CALHM5: variants seen among roughly 807,000 people sequenced by gnomAD.
The protein encoded by CALHM5 is calcium homeostasis modulator protein 5.
CALHM5 carries 17 observed loss-of-function variants against 20.9 expected under a neutral mutation model. The ratio of observed to expected loss-of-function variants is 0.82; its 90% CI spans 0.56 to 1.22. The LOEUF is 1.22. Among genes scored for constraint, CALHM5 ranks in the 50% most tolerant of loss-of-function variants. The pLI, the probability that CALHM5 is intolerant of heterozygous loss-of-function variation, is 0.00. For missense variants in CALHM5, 360 were observed against 364.6 expected (o/e 0.99, Z 0.10); for synonymous variants, 148 against 140.0 (o/e 1.06, Z -0.40).
chr6:116,518,877 G>A lies in CALHM5; in HGVS notation c.*2888G>A, dbSNP rs2637676. On this transcript the variant is annotated 3_prime_UTR_variant, in exon 2 of 2. Transcript: ENST00000368599. ...CCTGGGTACTTGTTGCTGCAGCTTA[G>A]TAAGTAGCAGAAGAGCTCATCCTCC... The A allele has an allele frequency of 0.41, 62,913 of 152,092 alleles. 14,606 individuals carry two copies. Among genetic ancestry groups the A allele is most frequent in the Middle Eastern group, 0.6 (175 of 294 alleles). The allele number at this position is 152,092 out of a possible 1,614,324, so 9.4% of individuals were successfully genotyped here.
rs1772367660 is a variant in CALHM5, at chr6:116,522,714, G to A, written c.*6725G>A. On this transcript the variant is annotated 3_prime_UTR_variant, in exon 2 of 2. Transcript: ENST00000368599. ...ATATCTACGAAAAAATAGCAAGTGA[G>A]GGTTTCAGACTAGGCTGGCCTTCAG... 2 of 152,154 alleles carry A rather than the reference G, an allele frequency of 1.3e-5. No individual in the cohort carries two copies. The allele number at this position is 152,154 out of a possible 1,614,324, so 9.4% of individuals were successfully genotyped here.
intron 1 of CALHM5, among the ~76,000 whole-genome samples, chr6:116,514,505 T>G (rs895827152): frequency 6.6e-6 from 1 of 152,236 alleles, no homozygotes; most frequent in African/African-American, 2.4e-5. Context: ...ACTTAATGAA[T>G]ACATGTGTCC....
rs1473938872 is a variant in CALHM5 at position 116,517,158 on chromosome 6, T to C, written c.*1169T>C. The C allele has an allele frequency of 6.6e-6, 1 of 152,102 alleles. No individual in the cohort carries two copies. The allele number at this position is 152,102 out of a possible 1,614,324, so 9.4% of individuals were successfully genotyped here. On this transcript the variant is annotated 3_prime_UTR_variant, in exon 2 of 2. Coordinates refer to ENST00000368599, the MANE Select transcript of CALHM5 (RefSeq NM_153711.5). ...GGCTCCACCTTCATGACCCAATTAC[T>C]TCTCAAGGCTCTGCTTCTTAGTACT... is the stretch of plus-strand genomic sequence containing the variant.
chr6:116,520,053 C>A lies in CALHM5; in HGVS notation c.*4064C>A, dbSNP rs1351497027. 1 of 152,020 alleles carries A rather than the reference C, an allele frequency of 6.6e-6. No homozygotes were observed. Among genetic ancestry groups the A allele is most frequent in the East Asian group, 1.9e-4 (1 of 5,182 alleles). The allele number at this position is 152,020 out of a possible 1,614,324, so 9.4% of individuals were successfully genotyped here. A position where few individuals can be genotyped will look rare whatever the true frequency, so the allele number is the denominator to read the frequency against. ...TAATGTATTGTAAAATATATGTGTCCAAAGCAACTTTTAAAATTTTTGTAT... is the reference window on the plus strand; with the variant it reads ...TAATGTATTGTAAAATATATGTGTCAAAAGCAACTTTTAAAATTTTTGTAT... On this transcript the variant is annotated 3_prime_UTR_variant, in exon 2 of 2. Transcript: ENST00000368599.
Position 116,520,184 on chromosome 6 carries a change from AC to A in CALHM5, c.*4196del. ...TAGTTGTTTCAAAGCCTGATGATCCACTGATTTACTCTAAAAACTGGTTAAA... is the reference window on the plus strand; with the variant it reads ...TAGTTGTTTCAAAGCCTGATGATCCATGATTTACTCTAAAAACTGGTTAAA... On this transcript the variant is annotated 3_prime_UTR_variant, in exon 2 of 2. Coordinates refer to ENST00000368599, the MANE Select transcript of CALHM5 (RefSeq NM_153711.5). 1 of 152,338 alleles carries A rather than the reference AC, an allele frequency of 6.6e-6. No homozygotes were observed. The highest frequency in any genetic ancestry group is 6.5e-5 in the Admixed American group (1 of 15,294). The allele number at this position is 152,338 out of a possible 1,614,324, so 9.4% of individuals were successfully genotyped here.
At position 116,520,123 on chromosome 6, in the gene CALHM5, AT is replaced by A. The variant is rs1772303909; in HGVS notation, c.*4137del. ...TTAAAGCATCACTAAAAATGTATAC[AT>A]TTAATGAGAAAACGATGACATTATT... On this transcript the variant is annotated 3_prime_UTR_variant, in exon 2 of 2. Transcript: ENST00000368599. 6.6e-6 allele frequency: 1 copy of A among 152,188 alleles called. No individual in the cohort carries two copies. Among genetic ancestry groups the A allele is most frequent in the African/African-American group, 2.4e-5 (1 of 41,454 alleles). The allele number at this position is 152,188 out of a possible 1,614,324, so 9.4% of individuals were successfully genotyped here.
rs1375510696 is a variant in CALHM5, at chr6:116,519,871, C to G, written c.*3882C>G. Reference sequence around the variant, plus strand: ...TTTTGTTTTTCCTGTGCAGTTCCTTCCTTTTTTCAGGCTCAACCACTTAAT... The same window carrying G: ...TTTTGTTTTTCCTGTGCAGTTCCTTGCTTTTTTCAGGCTCAACCACTTAAT... On this transcript the variant is annotated 3_prime_UTR_variant, in exon 2 of 2. Coordinates refer to ENST00000368599, the MANE Select transcript of CALHM5 (RefSeq NM_153711.5). 2.0e-5 allele frequency: 3 copies of G among 152,134 alleles called. No individual in the cohort carries two copies. The highest frequency in any genetic ancestry group is 7.2e-5 in the African/African-American group (3 of 41,422). 9.4% of individuals were successfully genotyped at this position (152,134 alleles called of 1,614,324 possible).
intron 1 of CALHM5, among the ~76,000 whole-genome samples, chr6:116,512,579 A>G (rs1195678984): frequency 6.6e-6 from 1 of 152,240 alleles, no homozygotes; most frequent in East Asian, 1.9e-4. Context: ...CAGAGCTGTA[A>G]TTAGAAATTA....
chr6:116,519,595 T>A lies in CALHM5; in HGVS notation c.*3606T>A, dbSNP rs1772293224. On this transcript the variant is annotated 3_prime_UTR_variant, in exon 2 of 2. Transcript: ENST00000368599. ...TCTAGACTTGAAGCATATGGAAGGG[T>A]CCTTGGGCTAGAGCCAACCCAAGCC... 6.6e-6 allele frequency: 1 copy of A among 152,232 alleles called. No individual in the cohort carries two copies. The highest frequency in any genetic ancestry group is 1.5e-5 in the Non-Finnish European group (1 of 68,060). 9.4% of individuals were successfully genotyped at this position (152,232 alleles called of 1,614,324 possible).
rs1772220266 is a variant in CALHM5 at position 116,516,117 on chromosome 6, A to G, written c.*128A>G. 2.4e-6 allele frequency: 3 copies of G among 1,255,694 alleles called. No individual in the cohort carries two copies. Among genetic ancestry groups the G allele is most frequent in the Non-Finnish European group, 3.2e-6 (3 of 938,708 alleles). 77.8% of individuals were successfully genotyped at this position (1,255,694 alleles called of 1,614,324 possible). ...TGGAGTATGTTTACAAGACAATAAC[A>G]CAAAGGAAACTGCTTTGAAGCTCTC... On this transcript the variant is annotated 3_prime_UTR_variant, in exon 2 of 2. Transcript: ENST00000368599.
chr6:116,515,503 C>T (rs1772204034), intron 1 of CALHM5, 97 bp from the exon 2 acceptor site: 4 of 1,261,252 alleles, frequency 3.2e-6, no homozygotes, highest in Non-Finnish European at 4.4e-6. Flanking sequence ...ATGTCAAAGA[C>T]TGTGGTAATA....
intron 1 of CALHM5, among the ~76,000 whole-genome samples, chr6:116,512,559 G>C (rs181211194): frequency 6.6e-6 from 1 of 152,326 alleles, no homozygotes; most frequent in Admixed American, 6.5e-5. Context: ...CATAAATTGA[G>C]TGTTAATGGC....
intron 1 of CALHM5, among the ~76,000 whole-genome samples, chr6:116,515,377 G>A (rs540995215): frequency 6.6e-6 from 1 of 152,300 alleles, no homozygotes; most frequent in Non-Finnish European, 1.5e-5. Context: ...CACCAGCAAT[G>A]TTGGGGAGGA....
At position 116,514,131 on chromosome 6, in the gene CALHM5, AC is replaced by A. The variant is rs367637055; in HGVS notation, c.541-1467del. 4.1e-3 allele frequency among the ~76,000 whole-genome samples: 624 copies of A among 152,158 alleles called. 5 individuals carry two copies. Among genetic ancestry groups the A allele is most frequent in the African/African-American group, 0.014 (584 of 41,560 alleles). On this transcript the variant is annotated intron_variant, in intron 1 of 1. Transcript: ENST00000368599. ...TTTGAGGGCTGGTATGGAAGCATCC[AC>A]CAAGCTCTAGTTTGACTCTGGGTAC... is the stretch of plus-strand genomic sequence containing the variant.
Position 116,511,915 on chromosome 6 carries a change from G to T in CALHM5, c.219G>T (p.Ser73=). The T allele has an allele frequency of 1.2e-6, 2 of 1,614,010 alleles. No homozygotes were observed. The highest frequency in any genetic ancestry group is 1.7e-6 in the Non-Finnish European group (2 of 1,179,988). Residue 73 remains serine, a synonymous_variant, in exon 1 of 2, where the codon TCG becomes TCT. Coordinates refer to ENST00000368599, the MANE Select transcript of CALHM5 (RefSeq NM_153711.5). ...LILGFFLNNR[S]WRLFTGCCVN... The stretch of plus-strand genomic sequence containing the variant: ...TGGGATTCTTTCTGAACAATAGGTC[G>T]TGGAGACTCTTCACAGGCTGCTGTG...
chr6:116,515,344 C>T (rs1772201832), intron 1 of CALHM5, among the ~76,000 whole-genome samples: 1 of 152,118 alleles, frequency 6.6e-6, no homozygotes, highest in Non-Finnish European at 1.5e-5. Context: ...TTTCTATCTG[C>T]CTGCCTTCTG....
rs374551311 is a variant in CALHM5 at position 116,515,783 on chromosome 6, C to G, written c.724C>G (p.Leu242Val). The G allele has an allele frequency of 6.8e-6, 11 of 1,613,862 alleles. No homozygotes were observed. In the African/African-American group the frequency reaches 1.5e-4, roughly 22 times the overall value. The change falls in exon 2 of 2, where the codon CTG becomes GTG. Residue 242 changes from leucine (L) to valine (V), a missense_variant. Transcript: ENST00000368599. ...DYANKLSERNLKCFFENKRPD... is the reference protein window; with the variant it reads ...DYANKLSERNVKCFFENKRPD... ...TGCCAACAAGCTGAGCGAGAGGAAC[C>G]TGAAATGTTTTTTTGAAAACAAGAG...
At position 116,520,218 on chromosome 6, in the gene CALHM5, A is replaced by G. The variant is rs1772305981; in HGVS notation, c.*4229A>G. The G allele has an allele frequency of 6.6e-6, 1 of 152,228 alleles. No homozygotes were observed. The highest frequency in any genetic ancestry group is 2.4e-5 in the African/African-American group (1 of 41,452). 9.4% of individuals were successfully genotyped at this position (152,228 alleles called of 1,614,324 possible). ...CTCTAAAAACTGGTTAAAGCAATCC[A>G]GAAGTCACTGGGTAGCAGAAAACTG... is the stretch of plus-strand genomic sequence containing the variant. On this transcript the variant is annotated 3_prime_UTR_variant, in exon 2 of 2. Transcript: ENST00000368599.
In CALHM5 at chr6:116,523,725, C is replaced by G. The variant is rs542517440; in HGVS notation, c.*7736C>G. ...ATGTGAAATATTGTTTCCTAAGAAGCTAAACCTAATCAAGTATTTAGACAT... is the reference window on the plus strand; with the variant it reads ...ATGTGAAATATTGTTTCCTAAGAAGGTAAACCTAATCAAGTATTTAGACAT... On this transcript the variant is annotated 3_prime_UTR_variant, in exon 2 of 2. Coordinates refer to ENST00000368599, the MANE Select transcript of CALHM5 (RefSeq NM_153711.5). 6.6e-6 allele frequency: 1 copy of G among 152,076 alleles called. No individual in the cohort carries two copies. The highest frequency in any genetic ancestry group is 2.4e-5 in the African/African-American group (1 of 41,390). The allele number at this position is 152,076 out of a possible 1,614,324, so 9.4% of individuals were successfully genotyped here. A position where few individuals can be genotyped will look rare whatever the true frequency, so the allele number is the denominator to read the frequency against.
Sources: allele counts gnomAD v4.1 joint callset (sites outside exome capture counted in the v4.1 genomes callset), GRCh38; gene constraint gnomAD v4.1.1; transcripts MANE v1.5; gene names NCBI Gene and HGNC (gene_info 2026-07-23, HGNC 2026-07-21).